The following ADGB variants were observed in gnomAD, a reference collection of about 807,000 sequenced individuals.
ADGB encodes androglobin.
In ADGB, 172 loss-of-function variants were observed where a neutral mutation model predicts 210.5. The observed-to-expected ratio is 0.82, with a 90% CI of 0.72 to 0.93. The LOEUF is 0.93. ADGB is among the 40% of genes least tolerant of loss of function. The pLI, the probability that ADGB is intolerant of heterozygous loss-of-function variation, is 0.00. For missense variants in ADGB, 2,025 were observed against 1,964.8 expected (o/e 1.03, Z -0.58); for synonymous variants, 658 against 662.7 (o/e 0.99, Z 0.11).
chr6:146,673,248 C>G (rs1372570443), intron 8 of ADGB, among the ~76,000 whole-genome samples: 1 of 152,200 alleles, frequency 6.6e-6, no homozygotes, highest in Non-Finnish European at 1.5e-5. Flanking sequence ...ATTGGGACAT[C>G]TGGACATTCT....
chr6:146,734,265 G>A lies in ADGB; in HGVS notation c.2794+235G>A, dbSNP rs12206950. On this transcript the variant is annotated intron_variant, in intron 22 of 35. Coordinates refer to ENST00000397944, the MANE Select transcript of ADGB (RefSeq NM_024694.4). Reference sequence around the variant, plus strand: ...CACAATAAATACTTGCTGAAAGAATGAGTGAAAAAATGAATGCATTATCAG... The same window carrying A: ...CACAATAAATACTTGCTGAAAGAATAAGTGAAAAAATGAATGCATTATCAG... Among the ~76,000 whole-genome samples the A allele has an allele frequency of 0.19, 29,219 of 152,082 alleles. 3,384 individuals carry two copies. Among genetic ancestry groups the A allele is most frequent in the Middle Eastern group, 0.3 (87 of 294 alleles).
At chr6:146,636,961 C>T (rs1439524072) in intron 2 of ADGB, among the ~76,000 whole-genome samples, 1 of 151,916 alleles carries the variant, frequency 6.6e-6, no homozygotes, top group African/African-American at 2.4e-5. Context: ...TCCTCTAAGT[C>T]CAGAGAAAGG....
chr6:146,790,847 T>A (rs376958584), intron 33 of ADGB, among the ~76,000 whole-genome samples: 11 of 152,194 alleles, frequency 7.2e-5, no homozygotes, highest in Admixed American at 3.3e-4. Flanking sequence ...CTCTCACCAA[T>A]GCTTGTTATC....
intron 1 of ADGB, among the ~76,000 whole-genome samples, chr6:146,609,825 A>G (rs959691876): frequency 1.3e-5 from 2 of 152,262 alleles, no homozygotes; most frequent in African/African-American, 2.4e-5. Flanking sequence ...TGTTAGACTG[A>G]TGGGATTCCC....
At chr6:146,661,563 TTCA>T (rs374622846) in intron 5 of ADGB, among the ~76,000 whole-genome samples, 362 of 152,188 alleles carry the variant, frequency 2.4e-3, no homozygotes, top group Middle Eastern at 6.8e-3. Flanking sequence ...TATTGAAAAC[TTCA>T]TCATAAATTT....
At chr6:146,733,685 C>A (rs377387966) in intron 21 of ADGB, among the ~76,000 whole-genome samples, 25 of 152,192 alleles carry the variant, frequency 1.6e-4, no homozygotes, top group African/African-American at 5.5e-4. Context: ...TAGTAGTTCA[C>A]CAATATGTCC....
chr6:146,662,687 TAC>T (rs1775879348), intron 5 of ADGB, among the ~76,000 whole-genome samples: 1 of 151,934 alleles, frequency 6.6e-6, no homozygotes, highest in South Asian at 2.1e-4. Context: ...GGTAATTTTA[TAC>T]AGTTTCCTGA....
intron 1 of ADGB, among the ~76,000 whole-genome samples, chr6:146,599,742 A>T (rs940416828): frequency 6.6e-6 from 1 of 152,082 alleles, no homozygotes; most frequent in South Asian, 2.1e-4. Context: ...GTGTCTTAGG[A>T]TGTACTTCCC....
chr6:146,756,271 A>C (rs1777404904), intron 27 of ADGB, among the ~76,000 whole-genome samples: 1 of 152,084 alleles, frequency 6.6e-6, no homozygotes, highest in African/African-American at 2.4e-5. Flanking sequence ...CTATAATACA[A>C]ATCCTTCCTA....
In ADGB at chr6:146,664,321, A is replaced by G; in HGVS notation, c.733A>G (p.Ile245Val). ...GCCAATGCTTTTGTCTAAAGCTATTATCAAGCTGGCAAATATTGAGTATGT... is the reference window on the plus strand; with the variant it reads ...GCCAATGCTTTTGTCTAAAGCTATTGTCAAGCTGGCAAATATTGAGTATGT... ...LWPMLLSKAI[I>V]KLANIDIHVA... Residue 245 changes from isoleucine to valine, a missense_variant, in exon 6 of 36, where the codon ATC becomes GTC. Physicochemically the swap from Ile to Val is conservative, Grantham distance 29. Transcript: ENST00000397944. 1.9e-6 allele frequency: 3 copies of G among 1,548,860 alleles called. No homozygotes were observed. Among genetic ancestry groups the G allele is most frequent in the Non-Finnish European group, 1.7e-6 (2 of 1,145,724 alleles).
chr6:146,652,735 CA>C (rs1167382342), intron 3 of ADGB, among the ~76,000 whole-genome samples: 2 of 151,684 alleles, frequency 1.3e-5, no homozygotes, highest in South Asian at 2.1e-4. Flanking sequence ...ATCACAATCT[CA>C]AAAAAAATTT....
chr6:146,647,060 G>A (rs1775626061), intron 3 of ADGB, among the ~76,000 whole-genome samples: 1 of 146,138 alleles, frequency 6.8e-6, no homozygotes. Context: ...CTGCACTCCA[G>A]CCTGGGTGAC....
intron 10 of ADGB, among the ~76,000 whole-genome samples, chr6:146,688,630 G>T (rs1776264146): frequency 6.6e-6 from 1 of 152,124 alleles, no homozygotes; most frequent in Admixed American, 6.6e-5. Context: ...TCTGGAATTA[G>T]CCCAGTGTCT....
At chr6:146,674,062 A>G (rs574529051) in intron 8 of ADGB, among the ~76,000 whole-genome samples, 2 of 152,300 alleles carry the variant, frequency 1.3e-5, no homozygotes, top group East Asian at 1.9e-4. Context: ...GCCAAAGGAA[A>G]AAGTGTTGCA....
intron 35 of ADGB, among the ~76,000 whole-genome samples, chr6:146,804,442 A>T (rs1010369746): frequency 3.3e-5 from 5 of 152,048 alleles, no homozygotes. Context: ...ATCCAAATTC[A>T]AGAATGCTTG....
At chr6:146,799,475 A>C (rs1346878235) in intron 33 of ADGB, among the ~76,000 whole-genome samples, 1 of 147,664 alleles carries the variant, frequency 6.8e-6, no homozygotes, top group African/African-American at 2.5e-5. Context: ...CGGAAGTTGC[A>C]GTGAGCCAAG....
At chr6:146,707,698 A>C (rs891207862) in intron 13 of ADGB, among the ~76,000 whole-genome samples, 1 of 151,966 alleles carries the variant, frequency 6.6e-6, no homozygotes, top group Non-Finnish European at 1.5e-5. Context: ...ATCCTTTCCC[A>C]TCTTTTTATT....
intron 1 of ADGB, among the ~76,000 whole-genome samples, chr6:146,621,575 ACTATT>A (rs1780896707): frequency 6.6e-6 from 1 of 152,100 alleles, no homozygotes; most frequent in Admixed American, 6.5e-5. Context: ...GTCTAAAATG[ACTATT>A]CTAGTCACAA....
chr6:146,701,515 T>G (rs1268863360), intron 13 of ADGB, among the ~76,000 whole-genome samples: 3 of 152,198 alleles, frequency 2.0e-5, no homozygotes, highest in Admixed American at 2.0e-4. Context: ...AGAAATATTC[T>G]TTCTCACTAT....
Sources: gnomAD v4.1 joint callset for allele counts (sites outside exome capture counted in the v4.1 genomes callset) on GRCh38, gnomAD v4.1.1 for gene constraint, MANE v1.5 for transcripts, NCBI Gene and HGNC (gene_info 2026-07-23, HGNC 2026-07-21) for gene names.